Variants in CADM1 observed in about 807,000 individuals in gnomAD.
CADM1 encodes TSLC-1.
In CADM1, 15 loss-of-function variants were observed where a neutral mutation model predicts 53.1. The ratio of observed to expected loss-of-function variants is 0.28; its 90% CI spans 0.19 to 0.44. The LOEUF is 0.44. CADM1 is among the 20% of genes least tolerant of loss of function. The pLI is 1.00. For missense variants in CADM1, 434 were observed against 611.3 expected, an observed-to-expected ratio of 0.71 and a Z score of 3.06; for synonymous variants, 281 against 243.0, an observed-to-expected ratio of 1.16 and a Z score of -1.45.
At chr11:115,293,695 TTAA>T (rs1336882987) in intron 1 of CADM1, among the ~76,000 whole-genome samples, 2 of 152,348 alleles carry the variant, frequency 1.3e-5, no homozygotes, top group Middle Eastern at 3.4e-3. Context: ...TCATTATTGC[TTAA>T]TAATATTTAT....
At chr11:115,404,510 G>A (rs1947262568) in intron 1 of CADM1, among the ~76,000 whole-genome samples, 1 of 148,342 alleles carries the variant, frequency 6.7e-6, no homozygotes, top group African/African-American at 2.5e-5. Flanking sequence ...AAGTAGGAAA[G>A]GCTTTTTAAA....
Position 115,176,282 on chromosome 11 carries a change from T to A in CADM1, c.*192A>T. The A allele has an allele frequency of 7.2e-7, 1 of 1,396,610 alleles. No individual in the cohort carries two copies. Among genetic ancestry groups the A allele is most frequent in the Non-Finnish European group, 9.3e-7 (1 of 1,070,918 alleles). 86.5% of individuals were successfully genotyped at this position (1,396,610 alleles called of 1,614,324 possible). A position where few individuals can be genotyped will look rare whatever the true frequency, so the allele number is the denominator to read the frequency against. ...AAACAAACAAACGAAAAAAGAGGTG[T>A]CAAACAGCAGAGTGTACTTTCCAAA... On this transcript the variant is annotated 3_prime_UTR_variant, in exon 12 of 12. Transcript: ENST00000331581.
At chr11:115,315,926 A>T (rs1458798388) in intron 1 of CADM1, among the ~76,000 whole-genome samples, 1 of 152,168 alleles carries the variant, frequency 6.6e-6, no homozygotes, top group Admixed American at 6.6e-5. Context: ...TTTTCATTCA[A>T]CTGGGAGGGT....
intron 1 of CADM1, among the ~76,000 whole-genome samples, chr11:115,257,356 C>G (rs1436607019): frequency 6.6e-6 from 1 of 152,072 alleles, no homozygotes; most frequent in South Asian, 2.1e-4. Flanking sequence ...ATATTCTGGG[C>G]CCCAAGGAAG....
intron 1 of CADM1, among the ~76,000 whole-genome samples, chr11:115,371,541 G>C (rs1946306860): frequency 6.7e-6 from 1 of 148,570 alleles, no homozygotes; most frequent in Non-Finnish European, 1.5e-5. Context: ...CAAATAAAAA[G>C]AAATAGTAAG....
intron 10 of CADM1, among the ~76,000 whole-genome samples, chr11:115,180,444 T>C (rs1565281045): frequency 6.6e-6 from 1 of 151,932 alleles, no homozygotes; most frequent in Non-Finnish European, 1.5e-5. Flanking sequence ...GGAGGCAGAG[T>C]GCACTGCAGC....
intron 1 of CADM1, among the ~76,000 whole-genome samples, chr11:115,292,005 C>T (rs976304397): frequency 3.0e-4 from 45 of 152,084 alleles, no homozygotes; most frequent in Non-Finnish European, 5.0e-4. Flanking sequence ...TATTGGGAAC[C>T]TATGGAAAAC....
chr11:115,269,648 A>G (rs1227387334), intron 1 of CADM1, among the ~76,000 whole-genome samples: 1 of 152,156 alleles, frequency 6.6e-6, no homozygotes, highest in African/African-American at 2.4e-5. Flanking sequence ...TGGAGCTTCA[A>G]CTCTGACTCC....
intron 1 of CADM1, among the ~76,000 whole-genome samples, chr11:115,408,499 C>T (rs1947373636): frequency 6.6e-6 from 1 of 152,224 alleles, no homozygotes; most frequent in South Asian, 2.1e-4. Context: ...CGGCCAAAAG[C>T]TGTGGAGAAG....
At chr11:115,301,595 A>G (rs1944222654) in intron 1 of CADM1, among the ~76,000 whole-genome samples, 1 of 152,060 alleles carries the variant, frequency 6.6e-6, no homozygotes, top group Non-Finnish European at 1.5e-5. Context: ...TACTTTACTG[A>G]TCATATAGCC....
intron 1 of CADM1, among the ~76,000 whole-genome samples, chr11:115,495,116 T>C (rs1949581439): frequency 6.6e-6 from 1 of 152,176 alleles, no homozygotes. Flanking sequence ...ATAAAACCAT[T>C]TGAGCAGTAA....
chr11:115,314,710 G>A (rs567162717), intron 1 of CADM1, among the ~76,000 whole-genome samples: 1 of 152,270 alleles, frequency 6.6e-6, no homozygotes, highest in East Asian at 1.9e-4. Context: ...GAGCCAGCTT[G>A]TATGACAGAC....
At chr11:115,292,458 A>G (rs1943931043) in intron 1 of CADM1, among the ~76,000 whole-genome samples, 1 of 152,212 alleles carries the variant, frequency 6.6e-6, no homozygotes, top group Admixed American at 6.5e-5. Flanking sequence ...CCCTAATATG[A>G]AAGAGGGGAA....
chr11:115,326,476 T>A (rs1944962351), intron 1 of CADM1, among the ~76,000 whole-genome samples: 1 of 152,216 alleles, frequency 6.6e-6, no homozygotes, highest in African/African-American at 2.4e-5. Context: ...ACTACTTGAT[T>A]ATGACCAAAA....
chr11:115,394,426 T>A (rs1286996591), intron 1 of CADM1, among the ~76,000 whole-genome samples: 2 of 151,968 alleles, frequency 1.3e-5, no homozygotes, highest in East Asian at 3.9e-4. Flanking sequence ...AGAGGGAAAA[T>A]CATGTTTACA....
intron 1 of CADM1, among the ~76,000 whole-genome samples, chr11:115,256,432 A>G (rs1294947760): frequency 3.3e-5 from 5 of 152,218 alleles, no homozygotes; most frequent in Admixed American, 2.6e-4. Flanking sequence ...TCCATGGATC[A>G]GCCTGGACTG....
chr11:115,322,466 T>C (rs1439519186), intron 1 of CADM1, among the ~76,000 whole-genome samples: 2 of 152,232 alleles, frequency 1.3e-5, no homozygotes, highest in Admixed American at 1.3e-4. Context: ...TCAATGACTT[T>C]GAATATATTC....
chr11:115,219,851 AC>A (rs1253103934), intron 5 of CADM1, among the ~76,000 whole-genome samples: 4 of 152,130 alleles, frequency 2.6e-5, no homozygotes, highest in Non-Finnish European at 4.4e-5. Flanking sequence ...TAAAAAAGAT[AC>A]AAAAAAAATG....
At chr11:115,395,985 C>T (rs1946985261) in intron 1 of CADM1, among the ~76,000 whole-genome samples, 1 of 152,192 alleles carries the variant, frequency 6.6e-6, no homozygotes, top group African/African-American at 2.4e-5. Context: ...ATCATGCACA[C>T]AGGATCACCT....
Sources: allele counts gnomAD v4.1 joint callset (sites outside exome capture counted in the v4.1 genomes callset), GRCh38; gene constraint gnomAD v4.1.1; transcripts MANE v1.5; gene names NCBI Gene and HGNC (gene_info 2026-07-23, HGNC 2026-07-21).